The following TNR variants were observed in gnomAD, a reference collection of about 807,000 sequenced individuals.
The protein encoded by TNR is tenascin-R.
Under a neutral mutation model 150.4 loss-of-function variants are expected in TNR, and 45 were observed. The ratio of observed to expected loss-of-function variants is 0.30; its 90% CI spans 0.24 to 0.38. The LOEUF is 0.38. TNR is among the 10% of genes least tolerant of loss of function. TNR has a pLI of 1.00. For missense variants in TNR, 1,544 were observed against 1,759.1 expected (o/e 0.88, Z 2.19); for synonymous variants, 687 against 678.4 (o/e 1.01, Z -0.20).
chr1:175,493,297 A>G (rs979412677), intron 2 of TNR, among the ~76,000 whole-genome samples: 1 of 152,202 alleles, frequency 6.6e-6, no homozygotes, highest in Non-Finnish European at 1.5e-5. Context: ...GTGAAAGGGA[A>G]CAGAAAGGTG....
chr1:175,500,709 G>A (rs935172608), intron 2 of TNR, among the ~76,000 whole-genome samples: 7 of 152,188 alleles, frequency 4.6e-5, no homozygotes, highest in East Asian at 1.9e-4. Context: ...GGCAAGGAAC[G>A]CAGCATGCCC....
intron 12 of TNR, among the ~76,000 whole-genome samples, chr1:175,364,665 T>C (rs1037108005): frequency 5.3e-5 from 8 of 152,234 alleles, no homozygotes; most frequent in African/African-American, 1.4e-4. Flanking sequence ...TTCTTCAGAA[T>C]AGGAACAGGT....
chr1:175,399,562 C>G (rs1398693814), intron 4 of TNR, among the ~76,000 whole-genome samples: 1 of 152,196 alleles, frequency 6.6e-6, no homozygotes, highest in Non-Finnish European at 1.5e-5. Context: ...GAGACCACCA[C>G]CACTTTCACT....
chr1:175,617,701 C>G lies in TNR; in HGVS notation c.-164-89332G>C, dbSNP rs1438162712. Among the ~76,000 whole-genome samples, 3 of 152,200 alleles carry G rather than the reference C, an allele frequency of 2.0e-5. No individual in the cohort carries two copies. In the East Asian group the frequency reaches 5.8e-4, roughly 29 times the overall value. On this transcript the variant is annotated intron_variant, in intron 1 of 22. Coordinates refer to ENST00000367674, the MANE Select transcript of TNR (RefSeq NM_003285.3). ...AAGTCTGAGAAGTACTGGCTGAAGCCTTTGGAATATTGATAATAACAGTTT... is the reference window on the plus strand; with the variant it reads ...AAGTCTGAGAAGTACTGGCTGAAGCGTTTGGAATATTGATAATAACAGTTT...
At chr1:175,721,909 G>A (rs1017227697) in intron 1 of TNR, among the ~76,000 whole-genome samples, 1 of 146,476 alleles carries the variant, frequency 6.8e-6, no homozygotes, top group Non-Finnish European at 1.5e-5. Context: ...GCAATCACAG[G>A]ACAGCTGTGA....
At chr1:175,548,755 A>G (rs1660820396) in intron 1 of TNR, among the ~76,000 whole-genome samples, 1 of 152,164 alleles carries the variant, frequency 6.6e-6, no homozygotes, top group Admixed American at 6.5e-5. Context: ...AATGAACTAC[A>G]GAATATTGGT....
chr1:175,694,121 A>T (rs1451120416), intron 1 of TNR, among the ~76,000 whole-genome samples: 1 of 152,124 alleles, frequency 6.6e-6, no homozygotes, highest in Non-Finnish European at 1.5e-5. Flanking sequence ...CTCTCTGCCA[A>T]TGGCTCAGAA....
At chr1:175,720,720 T>C (rs1476871615) in intron 1 of TNR, among the ~76,000 whole-genome samples, 1 of 152,228 alleles carries the variant, frequency 6.6e-6, no homozygotes, top group East Asian at 1.9e-4. Flanking sequence ...TTTGAGCATG[T>C]CTGCCTTTTA....
At chr1:175,397,846 T>C (rs1266611999) in intron 4 of TNR, among the ~76,000 whole-genome samples, 4 of 152,220 alleles carry the variant, frequency 2.6e-5, no homozygotes, top group Non-Finnish European at 5.9e-5. Flanking sequence ...GATTCACCAG[T>C]GTTGTGGCCA....
chr1:175,567,579 G>A (rs893708831), intron 1 of TNR, among the ~76,000 whole-genome samples: 10 of 152,194 alleles, frequency 6.6e-5, no homozygotes, highest in Admixed American at 5.9e-4. Flanking sequence ...CATCTCTGTT[G>A]TGATGTTCAT....
Position 175,591,601 on chromosome 1 carries a change from G to C in TNR, c.-164-63232C>G, listed in dbSNP as rs995591974. 4.6e-5 allele frequency among the ~76,000 whole-genome samples: 7 copies of C among 152,350 alleles called. No individual in the cohort carries two copies. The East Asian group carries it at 1.3e-3, about 29-fold the overall frequency. On this transcript the variant is annotated intron_variant, in intron 1 of 22. Transcript: ENST00000367674. ...GGGGTGGTGACATGAAGGGGCCAGA[G>C]ATTATCAGCTGGTTGATCTCTTCCA...
intron 1 of TNR, among the ~76,000 whole-genome samples, chr1:175,618,620 G>T (rs1335483783): frequency 2.0e-5 from 3 of 152,182 alleles, no homozygotes; most frequent in Non-Finnish European, 2.9e-5. Flanking sequence ...CTTAGCCCTA[G>T]GAGTAGGGCA....
At chr1:175,650,916 A>C (rs868109104) in intron 1 of TNR, among the ~76,000 whole-genome samples, 139 of 1,720 alleles carry the variant, frequency 0.081, no homozygotes, top group African/African-American at 0.1. Context: ...CCTCATTACT[A>C]CCCCTCCCCA....
At chr1:175,422,454 GTCTT>G (rs1265700745) in intron 2 of TNR, among the ~76,000 whole-genome samples, 3 of 152,290 alleles carry the variant, frequency 2.0e-5, no homozygotes, top group African/African-American at 7.2e-5. Flanking sequence ...CCACAAATTG[GTCTT>G]TCCTGCTTCC....
intron 1 of TNR, among the ~76,000 whole-genome samples, chr1:175,681,414 G>C (rs950786964): frequency 5.3e-5 from 8 of 152,220 alleles, no homozygotes; most frequent in African/African-American, 1.9e-4. Context: ...CAAGGGAAGA[G>C]CTGGCTTTCA....
intron 1 of TNR, among the ~76,000 whole-genome samples, chr1:175,654,472 G>A (rs942106): frequency 0.46 from 69,310 of 151,882 alleles, 16,952 homozygotes; most frequent in Admixed American, 0.58. Flanking sequence ...CTCTCCCATG[G>A]AGTCTCTTGA....
intron 1 of TNR, among the ~76,000 whole-genome samples, chr1:175,539,327 A>T (rs1385956616): frequency 1.3e-5 from 2 of 152,272 alleles, no homozygotes; most frequent in Non-Finnish European, 2.9e-5. Context: ...AGAAGCTCAC[A>T]GCCCATGAAG....
intron 2 of TNR, among the ~76,000 whole-genome samples, chr1:175,466,028 G>T (rs1217080679): frequency 6.6e-6 from 1 of 152,154 alleles, no homozygotes; most frequent in Non-Finnish European, 1.5e-5. Context: ...TCTTGAACTT[G>T]CTGTGTGGAA....
At chr1:175,339,719 A>C (rs969410546) in intron 18 of TNR, among the ~76,000 whole-genome samples, 4 of 152,230 alleles carry the variant, frequency 2.6e-5, no homozygotes, top group Non-Finnish European at 5.9e-5. Context: ...AGGTTTCTTC[A>C]TGCAATAAAC....
Sources: gnomAD v4.1 joint callset for allele counts (sites outside exome capture counted in the v4.1 genomes callset) on GRCh38, gnomAD v4.1.1 for gene constraint, MANE v1.5 for transcripts, NCBI Gene and HGNC (gene_info 2026-07-23, HGNC 2026-07-21) for gene names.